The following NRROS variants were observed in gnomAD, a reference collection of about 807,000 sequenced individuals.
NRROS encodes the protein negative regulator of reactive oxygen species.
A neutral mutation model predicts 12.0 loss-of-function variants in NRROS; 6 were observed. The ratio of observed to expected loss-of-function variants is 0.50; its 90% CI spans 0.27 to 0.98. The LOEUF is 0.98. Among genes scored for constraint, NRROS ranks in the 50% least tolerant of loss-of-function variants. NRROS has a pLI of 0.11. For synonymous variants in NRROS, 462 were observed against 410.2 expected (o/e 1.13, Z -1.53); for missense variants, 857 against 888.2 (o/e 0.96, Z 0.45).
intron 2 of NRROS, among the ~76,000 whole-genome samples, chr3:196,658,901 C>T (rs1340211151): frequency 1.3e-5 from 2 of 152,128 alleles, no homozygotes; most frequent in Non-Finnish European, 2.9e-5. Flanking sequence ...ACCCAGGAGG[C>T]AGAGATTGCA....
At position 196,660,172 on chromosome 3, in the gene NRROS, T is replaced by G. The variant is rs1418157029; in HGVS notation, c.529T>G (p.Phe177Val). The change falls in exon 3 of 3, where the codon TTC (phenylalanine) becomes GTC (valine). Residue 177 changes from phenylalanine to valine, a missense_variant. Transcript: ENST00000328557. This position sits in a 1 kb window ranked among gnomAD's most constrained non-coding sequence, Gnocchi z 7.7. ...NTIMRLDDSV[F>V]EGLERLRELD... is the part of the protein sequence containing the mutation. Reference sequence around the variant, plus strand: ...CATCATGCGGCTGGACGACTCCGTCTTCGAGGGCCTGGAGCGTCTCCGGGA... The same window carrying G: ...CATCATGCGGCTGGACGACTCCGTCGTCGAGGGCCTGGAGCGTCTCCGGGA... 6.2e-7 allele frequency: 1 copy of G among 1,613,054 alleles called. No individual in the cohort carries two copies.
intron 1 of NRROS, among the ~76,000 whole-genome samples, chr3:196,641,195 C>G (rs1323698125): frequency 6.6e-6 from 1 of 151,734 alleles, no homozygotes; most frequent in African/African-American, 2.4e-5. Context: ...AAAGAAGGCA[C>G]TTTTTAAAAA....
At chr3:196,640,638 G>A (rs893066978) in intron 1 of NRROS, among the ~76,000 whole-genome samples, 1 of 152,238 alleles carries the variant, frequency 6.6e-6, no homozygotes, top group Non-Finnish European at 1.5e-5. Flanking sequence ...ATGTGGGCCG[G>A]CTTCTGAAGG....
chr3:196,657,977 G>A (rs1737574267), intron 2 of NRROS, among the ~76,000 whole-genome samples: 3 of 152,142 alleles, frequency 2.0e-5, no homozygotes, highest in Admixed American at 1.3e-4. Context: ...AACGCTATGC[G>A]AAAATGACGA....
At position 196,661,651 on chromosome 3, in the gene NRROS, ATCGT is replaced by A. The variant is rs1737686267; in HGVS notation, c.2009_2012del (p.Ile670ThrfsTer87). 3 of 1,609,188 alleles carry A rather than the reference ATCGT, an allele frequency of 1.9e-6. No homozygotes were observed. The highest frequency in any genetic ancestry group is 4.5e-5 in the East Asian group (2 of 44,882). On this transcript the variant is annotated frameshift_variant, in exon 3 of 3. Transcript: ENST00000328557. LOFTEE classifies it high-confidence loss of function. ...CACCCTGCTGGTGGCCTGCACTGTC[ATCGT>A]CCTCACTTTTAAGAAGCCTCTGCTT...
chr3:196,658,364 AGAGTT>A (rs1737581378), intron 2 of NRROS, among the ~76,000 whole-genome samples: 1 of 152,230 alleles, frequency 6.6e-6, no homozygotes, highest in Non-Finnish European at 1.5e-5. Flanking sequence ...AGGTGACAGA[AGAGTT>A]GAGGTTTCCA....
chr3:196,658,157 T>G (rs892471674), intron 2 of NRROS, among the ~76,000 whole-genome samples: 1 of 152,216 alleles, frequency 6.6e-6, no homozygotes, highest in Non-Finnish European at 1.5e-5. Context: ...CTAAAAAGAT[T>G]ATGATCACAT....
chr3:196,653,696 A>G (rs1008039153), intron 1 of NRROS, among the ~76,000 whole-genome samples: 2 of 152,176 alleles, frequency 1.3e-5, no homozygotes, highest in Non-Finnish European at 2.9e-5. Flanking sequence ...CCCTGCCACT[A>G]AGTTCATCCA....
intron 1 of NRROS, among the ~76,000 whole-genome samples, chr3:196,649,673 G>C (rs555712468): frequency 3.3e-5 from 5 of 152,148 alleles, no homozygotes; most frequent in African/African-American, 1.2e-4. Flanking sequence ...GGGTTTCACT[G>C]TGTTAGCCAG....
At chr3:196,648,691 G>A (rs544140284) in intron 1 of NRROS, among the ~76,000 whole-genome samples, 10 of 150,160 alleles carry the variant, frequency 6.7e-5, no homozygotes, top group South Asian at 6.3e-4. Flanking sequence ...ACTTGAACCC[G>A]GGAGGCGGAG....
intron 2 of NRROS, among the ~76,000 whole-genome samples, chr3:196,659,122 C>T (rs1446551875): frequency 6.6e-6 from 1 of 152,064 alleles, no homozygotes; most frequent in Non-Finnish European, 1.5e-5. Context: ...TGGCCTCGTC[C>T]CTCCCGCCTC....
chr3:196,657,158 C>T lies in NRROS; in HGVS notation c.108+2511C>T, dbSNP rs149489138. ...GGCCGAGGTTGCAGTGAGCTGAGAT[C>T]GCGCCACTGCACTCCAGCCTGGGCG... On this transcript the variant is annotated intron_variant, in intron 2 of 2. Coordinates refer to ENST00000328557, the MANE Select transcript of NRROS (RefSeq NM_198565.3). Among the ~76,000 whole-genome samples, 630 of 150,526 alleles carry T rather than the reference C, an allele frequency of 4.2e-3. 10 individuals are homozygous for T. Among genetic ancestry groups the T allele is most frequent in the East Asian group, 0.034 (173 of 5,078 alleles).
At chr3:196,643,038 A>T (rs1045081166) in intron 1 of NRROS, among the ~76,000 whole-genome samples, 1 of 147,316 alleles carries the variant, frequency 6.8e-6, no homozygotes. Context: ...GTGCCATTGC[A>T]CTCCAGCCTG....
chr3:196,653,667 G>A (rs1018217173), intron 1 of NRROS, among the ~76,000 whole-genome samples: 11 of 152,232 alleles, frequency 7.2e-5, no homozygotes, highest in African/African-American at 1.4e-4. Context: ...CTCGGGGAGC[G>A]AGGCGGGGCT....
At position 196,658,718 on chromosome 3, in the gene NRROS, C is replaced by T. The variant is rs141660046; in HGVS notation, c.109-1034C>T. Among the ~76,000 whole-genome samples the T allele has an allele frequency of 8.6e-3, 1,304 of 152,308 alleles. 26 individuals are homozygous for T. The highest frequency in any genetic ancestry group is 0.03 in the African/African-American group (1,247 of 41,566). On this transcript the variant is annotated intron_variant, in intron 2 of 2. Transcript: ENST00000328557. ...CGGTGGCTCACGCCTGTAATCCCAG[C>T]ACTTTTGGGAGGCCGAGGCAGGCAG...
At chr3:196,657,829 G>A (rs1479169997) in intron 2 of NRROS, among the ~76,000 whole-genome samples, 3 of 151,996 alleles carry the variant, frequency 2.0e-5, no homozygotes, top group Admixed American at 6.6e-5. Flanking sequence ...CCTTTCTAAC[G>A]TTCGTCTGGA....
chr3:196,660,200 T>C lies in NRROS; in HGVS notation c.557T>C (p.Leu186Pro), dbSNP rs749705845. The change falls in exon 3 of 3, where the codon CTG becomes CCG. Residue 186 changes from leucine (L) to proline (P), a missense_variant. Coordinates refer to ENST00000328557, the MANE Select transcript of NRROS (RefSeq NM_198565.3). The surrounding 1 kb of genome is among the most constrained non-coding windows in gnomAD (Gnocchi z 7.7). ...VFEGLERLRE[L>P]DLQRNYIFEI... Reference sequence around the variant, plus strand: ...GAGGGCCTGGAGCGTCTCCGGGAGCTGGATCTGCAGAGGAACTACATCTTC... The same window carrying C: ...GAGGGCCTGGAGCGTCTCCGGGAGCCGGATCTGCAGAGGAACTACATCTTC... 1 of 1,613,324 alleles carries C rather than the reference T, an allele frequency of 6.2e-7. No homozygotes were observed. The highest frequency in any genetic ancestry group is 8.5e-7 in the Non-Finnish European group (1 of 1,180,028).
At chr3:196,652,876 G>C (rs1737457414) in intron 1 of NRROS, among the ~76,000 whole-genome samples, 1 of 152,190 alleles carries the variant, frequency 6.6e-6, no homozygotes, top group African/African-American at 2.4e-5. Flanking sequence ...CAGGGAGGAA[G>C]GGAGGGTTCT....
At chr3:196,641,195 C>A (rs1323698125) in intron 1 of NRROS, among the ~76,000 whole-genome samples, 1 of 151,734 alleles carries the variant, frequency 6.6e-6, no homozygotes, top group African/African-American at 2.4e-5. Flanking sequence ...AAAGAAGGCA[C>A]TTTTTAAAAA....
Sources: allele counts gnomAD v4.1 joint callset (sites outside exome capture counted in the v4.1 genomes callset), GRCh38; gene constraint gnomAD v4.1.1; non-coding constraint Gnocchi (gnomAD v3.1); transcripts MANE v1.5; gene names NCBI Gene and HGNC (gene_info 2026-07-23, HGNC 2026-07-21).